Variants in HAAO observed in about 807,000 individuals in gnomAD.
HAAO encodes the protein 3-hydroxyanthranilate oxygenase.
HAAO carries 49 observed loss-of-function variants against 46.2 expected under a neutral mutation model. The observed-to-expected ratio is 1.06, with a 90% confidence interval of 0.84 to 1.34. HAAO has a LOEUF of 1.34. HAAO is among the 40% of genes most tolerant of loss of function. The pLI, the probability that HAAO is intolerant of heterozygous loss-of-function variation, is 0.00. For missense variants in HAAO, 408 were observed against 364.5 expected, an observed-to-expected ratio of 1.12 and a Z score of -0.97; for synonymous variants, 157 against 145.2, an observed-to-expected ratio of 1.08 and a Z score of -0.58.
rs1269307205 is a variant in HAAO, at chr2:42,783,846, C to G, written c.181G>C (p.Asp61His). ...TGCTCCAGGACTCGGAGAACCATGT[C>G]TCCCTCCAGCTGGTAAAATACCTGT... ...GEEVFYQLEGDMVLRVLEQGK... is the reference protein window; with the variant it reads ...GEEVFYQLEGHMVLRVLEQGK... Residue 61 changes from aspartate (D) to histidine (H), a missense_variant, in exon 3 of 10, where the codon GAC becomes CAC. Coordinates refer to ENST00000294973, the MANE Select transcript of HAAO (RefSeq NM_012205.3). 2.5e-6 allele frequency: 4 copies of G among 1,611,654 alleles called. No homozygotes were observed. Among genetic ancestry groups the G allele is most frequent in the Non-Finnish European group, 3.4e-6 (4 of 1,179,038 alleles).
At chr2:42,782,336 G>T (rs1394704989) in intron 4 of HAAO, among the ~76,000 whole-genome samples, 3 of 152,094 alleles carry the variant, frequency 2.0e-5, no homozygotes, top group Non-Finnish European at 4.4e-5. Flanking sequence ...CGATTTTCCA[G>T]GATTGCTCTT....
intron 4 of HAAO, among the ~76,000 whole-genome samples, chr2:42,781,525 T>C (rs1273427324): frequency 6.6e-5 from 10 of 152,184 alleles, no homozygotes. Flanking sequence ...TTATCTGAGA[T>C]TCCTTCTATG....
chr2:42,783,693 A>G, intron 3 of HAAO, 91 bp downstream of exon 3: 1 of 1,117,744 alleles, frequency 8.9e-7, no homozygotes, highest in Non-Finnish European at 1.3e-6. Flanking sequence ...TAGGGAGGAC[A>G]AGACCTCAGC....
At position 42,792,554 on chromosome 2, in the gene HAAO, C is replaced by G; in HGVS notation, c.-18G>C. ...CGCTCCATGACTGTCCCGGGCGCCTCCTCGCAGCGCTGTCCTCCCGCCGTC... is the reference window on the plus strand; with the variant it reads ...CGCTCCATGACTGTCCCGGGCGCCTGCTCGCAGCGCTGTCCTCCCGCCGTC... On this transcript the variant is annotated 5_prime_UTR_variant, in exon 1 of 10. Transcript: ENST00000294973. 6.5e-7 allele frequency: 1 copy of G among 1,530,470 alleles called. No homozygotes were observed. Among genetic ancestry groups the G allele is most frequent in the Non-Finnish European group, 8.8e-7 (1 of 1,140,866 alleles). 94.8% of individuals were successfully genotyped at this position (1,530,470 alleles called of 1,614,324 possible).
intron 7 of HAAO, 125 bp downstream of exon 7, chr2:42,769,579 GTGTGTGTGT>G: frequency 6.6e-6 from 1 of 152,140 alleles, no homozygotes; most frequent in Non-Finnish European, 1.0e-5. Flanking sequence ...ATGTGTGTGT[GTGTGTGTGT>G]GTGTGTGTGT....
intron 4 of HAAO, among the ~76,000 whole-genome samples, chr2:42,774,362 G>C (rs925642335): frequency 2.0e-5 from 3 of 152,230 alleles, no homozygotes; most frequent in African/African-American, 7.2e-5. Flanking sequence ...GTACCCGCGT[G>C]AGCTAACTTT....
intron 2 of HAAO, among the ~76,000 whole-genome samples, chr2:42,785,301 G>C (rs1213783335): frequency 2.0e-5 from 3 of 152,206 alleles, no homozygotes; most frequent in African/African-American, 4.8e-5. Context: ...GTAAATATTT[G>C]ATGGTAGATT....
At chr2:42,782,930 T>C (rs1237346689) in intron 4 of HAAO, 2 of 461,170 alleles carry the variant, frequency 4.3e-6, no homozygotes, top group Admixed American at 2.4e-5. Context: ...TTTGGGCACA[T>C]GTCATCAGGA....
rs1414888804 is a variant in HAAO at position 42,767,159 on chromosome 2, G to C, written c.*278C>G. ...GTGCTGCACTGAGTCTGCAGGGACA[G>C]AGGAATGGGCAGGAGCGGGGCCGGG... On this transcript the variant is annotated 3_prime_UTR_variant, in exon 10 of 10. Coordinates refer to ENST00000294973, the MANE Select transcript of HAAO (RefSeq NM_012205.3). The C allele has an allele frequency of 1.8e-6, 1 of 558,832 alleles. No individual in the cohort carries two copies. The highest frequency in any genetic ancestry group is 3.2e-6 in the Non-Finnish European group (1 of 309,410). The allele number at this position is 558,832 out of a possible 1,614,324, so 34.6% of individuals were successfully genotyped here. A position where few individuals can be genotyped will look rare whatever the true frequency, so the allele number is the denominator to read the frequency against.
chr2:42,775,187 C>T (rs1299733979), intron 4 of HAAO, among the ~76,000 whole-genome samples: 1 of 136,100 alleles, frequency 7.3e-6, no homozygotes, highest in African/African-American at 2.9e-5. Context: ...GCAGAGGTTG[C>T]AGTGAGCCGA....
chr2:42,792,246 A>G (rs1672858856), intron 1 of HAAO, among the ~76,000 whole-genome samples: 1 of 152,178 alleles, frequency 6.6e-6, no homozygotes, highest in Admixed American at 6.5e-5. Flanking sequence ...AGCCTTCTTC[A>G]GAAGTCAAGG....
At chr2:42,792,314 C>A in intron 1 of HAAO, 143 bp downstream of exon 1, 1 of 504,204 alleles carries the variant, frequency 2.0e-6, no homozygotes, top group East Asian at 3.4e-5. Flanking sequence ...AGCCTGTCTC[C>A]ATCTTCCCCC....
intron 1 of HAAO, among the ~76,000 whole-genome samples, chr2:42,791,590 A>T (rs1672804595): frequency 6.6e-6 from 1 of 152,086 alleles, no homozygotes; most frequent in Non-Finnish European, 1.5e-5. Context: ...TGACACTAGA[A>T]AAGTTACTTA....
chr2:42,777,095 G>A (rs993579786), intron 4 of HAAO, among the ~76,000 whole-genome samples: 9 of 151,476 alleles, frequency 5.9e-5, no homozygotes, highest in African/African-American at 2.2e-4. Context: ...TGAGATCAGG[G>A]GTTTGAGACC....
intron 4 of HAAO, among the ~76,000 whole-genome samples, chr2:42,772,832 C>T (rs1671237023): frequency 1.3e-5 from 2 of 151,672 alleles, no homozygotes; most frequent in African/African-American, 2.4e-5. Flanking sequence ...TTCCTGGTGA[C>T]CTGATGGGAA....
At chr2:42,769,569 A>ATATG (rs3220351) in intron 7 of HAAO, 144 bp downstream of exon 7, 1 of 542,574 alleles carries the variant, frequency 1.8e-6, no homozygotes, top group Non-Finnish European at 3.1e-6. Context: ...AACCTCTGAA[A>ATATG]TGTGTGTGTG....
At chr2:42,780,911 C>CAAAAAAAAAAAAAA (rs35424652) in intron 4 of HAAO, among the ~76,000 whole-genome samples, 2 of 130,284 alleles carry the variant, frequency 1.5e-5, no homozygotes, top group Admixed American at 8.0e-5. Context: ...ACTAAAAATA[C>CAAAAAAAAAAAAAA]AAAAAAAAAA....
intron 4 of HAAO, among the ~76,000 whole-genome samples, chr2:42,779,528 G>C (rs1241667343): frequency 6.6e-6 from 1 of 152,142 alleles, no homozygotes; most frequent in Non-Finnish European, 1.5e-5. Context: ...CACCATGTTG[G>C]TCAGGCTGGT....
rs758716728 is a variant in HAAO at position 42,783,881 on chromosome 2, G to A, written c.160-14C>T. The A allele has an allele frequency of 3.1e-6, 5 of 1,601,840 alleles. No homozygotes were observed. The South Asian group carries it at 3.4e-5, about 11-fold the overall frequency. ...CTGGTAAAATACCTGTGGGACAGGA[G>A]AGAGGCTTGGACCCTCCGCACTTTC... On this transcript the variant is annotated splice_polypyrimidine_tract_variant and intron_variant, in intron 2 of 9. Coordinates refer to ENST00000294973, the MANE Select transcript of HAAO (RefSeq NM_012205.3).
Sources: allele counts gnomAD v4.1 joint callset (sites outside exome capture counted in the v4.1 genomes callset), GRCh38; gene constraint gnomAD v4.1.1; transcripts MANE v1.5; gene names NCBI Gene and HGNC (gene_info 2026-07-23, HGNC 2026-07-21).